Variants in CACNA2D3 observed in about 807,000 individuals in gnomAD.
CACNA2D3 encodes the protein voltage-dependent calcium channel subunit alpha-2/delta-3.
A neutral mutation model predicts 160.6 loss-of-function variants in CACNA2D3; 60 were observed. That is an observed-to-expected ratio of 0.37 (90% CI 0.30 to 0.46). CACNA2D3 has a LOEUF of 0.46. Ranked by LOEUF, CACNA2D3 falls within the 20% of genes least tolerant of loss-of-function variation. The probability of loss-of-function intolerance (pLI) is 1.00; values close to 1 mark genes in which losing one functional copy is unlikely to be tolerated. For missense variants in CACNA2D3, 1,205 were observed against 1,365.0 expected (o/e 0.88, Z 1.85); for synonymous variants, 558 against 492.9 (o/e 1.13, Z -1.75).
intron 2 of CACNA2D3, among the ~76,000 whole-genome samples, chr3:54,231,669 A>G (rs2107393207): frequency 6.6e-6 from 1 of 152,298 alleles, no homozygotes; most frequent in Admixed American, 6.5e-5. Flanking sequence ...ATATATTTCT[A>G]GTGTGTAATA....
At chr3:54,717,837 G>A (rs561558202) in intron 11 of CACNA2D3, among the ~76,000 whole-genome samples, 6 of 141,922 alleles carry the variant, frequency 4.2e-5, no homozygotes, top group East Asian at 2.2e-4. Flanking sequence ...GTGTGTGTGC[G>A]TGAGTGTGTG....
intron 3 of CACNA2D3, among the ~76,000 whole-genome samples, chr3:54,334,155 C>T (rs185950603): frequency 4.0e-5 from 6 of 150,816 alleles, no homozygotes; most frequent in East Asian, 2.0e-4. Flanking sequence ...AGTGTGATCT[C>T]GGCTCACTGC....
At chr3:54,247,588 T>C (rs1447887188) in intron 2 of CACNA2D3, among the ~76,000 whole-genome samples, 1 of 151,894 alleles carries the variant, frequency 6.6e-6, no homozygotes, top group Non-Finnish European at 1.5e-5. Context: ...ATATAAAAAA[T>C]AGGAACATTG....
At chr3:54,149,269 A>ACACACG (rs1700096579) in intron 2 of CACNA2D3, among the ~76,000 whole-genome samples, 1 of 143,792 alleles carries the variant, frequency 7.0e-6, no homozygotes, top group South Asian at 2.2e-4. Context: ...TCCCATGTGC[A>ACACACG]CACACACACA....
intron 2 of CACNA2D3, among the ~76,000 whole-genome samples, chr3:54,166,092 G>A (rs939356905): frequency 6.6e-6 from 1 of 152,188 alleles, no homozygotes; most frequent in Non-Finnish European, 1.5e-5. Context: ...GAACCCACGA[G>A]GTGGGTGGAG....
rs1483067131 is a variant in CACNA2D3, at chr3:54,280,248, A to C, written c.205-40194A>C. On this transcript the variant is annotated intron_variant, in intron 2 of 37. Transcript: ENST00000474759. ...AGGTGCTCGCCACCACGCCCAGCTA[A>C]TTTTTTGCATTTTTAGTAGAGACGG... Among the ~76,000 whole-genome samples the C allele has an allele frequency of 2.0e-5, 3 of 151,878 alleles. No individual in the cohort carries two copies. The East Asian group carries it at 5.8e-4, about 30-fold the overall frequency.
At chr3:54,728,406 C>T (rs566276957) in intron 11 of CACNA2D3, among the ~76,000 whole-genome samples, 4 of 152,248 alleles carry the variant, frequency 2.6e-5, no homozygotes, top group East Asian at 1.9e-4. Context: ...GTTTTCAATT[C>T]TAGGAATTTC....
At position 54,129,510 on chromosome 3, in the gene CACNA2D3, C is replaced by G. The variant is rs59207684; in HGVS notation, c.204+5916C>G. ...ATCAACATTATGAAAATAAACAACTCAGAAACCAAACTATTGGCGCACATT... is the reference window on the plus strand; with the variant it reads ...ATCAACATTATGAAAATAAACAACTGAGAAACCAAACTATTGGCGCACATT... On this transcript the variant is annotated intron_variant, in intron 2 of 37. Coordinates refer to ENST00000474759, the MANE Select transcript of CACNA2D3 (RefSeq NM_018398.3). Among the ~76,000 whole-genome samples, 9 of 152,100 alleles carry G rather than the reference C, an allele frequency of 5.9e-5. No homozygotes were observed. The East Asian group carries it at 1.7e-3, about 29-fold the overall frequency.
intron 4 of CACNA2D3, among the ~76,000 whole-genome samples, chr3:54,410,528 T>TA (rs1417755858): frequency 6.6e-6 from 1 of 152,160 alleles, no homozygotes; most frequent in Non-Finnish European, 1.5e-5. Flanking sequence ...AAATCTACCA[T>TA]ACGTGTGCTC....
chr3:54,810,076 G>T (rs941929832), intron 13 of CACNA2D3, among the ~76,000 whole-genome samples: 1 of 152,198 alleles, frequency 6.6e-6, no homozygotes, highest in South Asian at 2.1e-4. Context: ...CATGGGTAGG[G>T]AATCAGTGAG....
intron 4 of CACNA2D3, among the ~76,000 whole-genome samples, chr3:54,457,172 A>G (rs560663723): frequency 3.3e-5 from 5 of 151,490 alleles, no homozygotes; most frequent in African/African-American, 9.7e-5. Flanking sequence ...AAATCTTTCT[A>G]GTTTTTTTGA....
intron 1 of CACNA2D3, 68 bp from the exon 2 acceptor site, chr3:54,123,445 G>C: frequency 1.0e-6 from 1 of 988,460 alleles, no homozygotes; most frequent in South Asian, 1.3e-5. Flanking sequence ...ATGTGTGCGT[G>C]TGCGTGTGCG....
intron 2 of CACNA2D3, among the ~76,000 whole-genome samples, chr3:54,239,033 A>G (rs1701932045): frequency 6.6e-6 from 1 of 152,264 alleles, no homozygotes; most frequent in Non-Finnish European, 1.5e-5. Flanking sequence ...TGTATCAGTC[A>G]TTCTTCCTAA....
At chr3:54,352,097 A>G (rs113868027) in intron 3 of CACNA2D3, among the ~76,000 whole-genome samples, 78 of 152,300 alleles carry the variant, frequency 5.1e-4, no homozygotes, top group African/African-American at 1.7e-3. Context: ...AGGCCAGGGC[A>G]TTCTTATTCT....
chr3:54,695,421 T>C (rs1700646940), intron 11 of CACNA2D3, among the ~76,000 whole-genome samples: 1 of 151,990 alleles, frequency 6.6e-6, no homozygotes, highest in Non-Finnish European at 1.5e-5. Context: ...ATCATCTTTG[T>C]GCATATCACA....
chr3:54,125,773 G>A (rs1200698487), intron 2 of CACNA2D3, among the ~76,000 whole-genome samples: 1 of 152,168 alleles, frequency 6.6e-6, no homozygotes, highest in African/African-American at 2.4e-5. Context: ...AGTATGAATG[G>A]GAGTAGATCT....
At chr3:54,854,020 C>T (rs1699115462) in intron 17 of CACNA2D3, among the ~76,000 whole-genome samples, 1 of 152,080 alleles carries the variant, frequency 6.6e-6, no homozygotes, top group Non-Finnish European at 1.5e-5. Flanking sequence ...CGGGCACCGC[C>T]GAGTACCCGG....
intron 29 of CACNA2D3, among the ~76,000 whole-genome samples, chr3:54,972,856 GCAA>G (rs1702305569): frequency 1.3e-5 from 2 of 152,106 alleles, no homozygotes; most frequent in Admixed American, 6.5e-5. Flanking sequence ...AGCCATTGAG[GCAA>G]CAGTTCACAC....
chr3:54,282,275 T>A (rs1459883330), intron 2 of CACNA2D3, among the ~76,000 whole-genome samples: 1 of 152,228 alleles, frequency 6.6e-6, no homozygotes, highest in African/African-American at 2.4e-5. Context: ...CAATGAATAT[T>A]TATTAGTTTT....
Sources: gnomAD v4.1 joint callset for allele counts (sites outside exome capture counted in the v4.1 genomes callset) on GRCh38, gnomAD v4.1.1 for gene constraint, MANE v1.5 for transcripts, NCBI Gene and HGNC (gene_info 2026-07-23, HGNC 2026-07-21) for gene names.